SLC14A2: variants seen among roughly 807,000 people sequenced by gnomAD.
SLC14A2 encodes the protein urea transporter 2.
Under a neutral mutation model 104.6 loss-of-function variants are expected in SLC14A2, and 91 were observed. The ratio of observed to expected loss-of-function variants is 0.87; its 90% confidence interval spans 0.73 to 1.04. The LOEUF (loss-of-function observed/expected upper bound fraction) is 1.04. Among genes scored for constraint, SLC14A2 ranks in the 50% least tolerant of loss-of-function variants. The probability of loss-of-function intolerance (pLI) is 0.00; values close to 1 mark genes in which losing one functional copy is unlikely to be tolerated. For missense variants in SLC14A2, 1,189 were observed against 1,156.0 expected (o/e 1.03, Z -0.41); for synonymous variants, 476 against 466.4 (o/e 1.02, Z -0.27).
At chr18:45,611,121 C>T (rs1248333827), upstream of SLC14A2, among the ~76,000 whole-genome samples, 2 of 152,102 alleles carry the variant, frequency 1.3e-5, no homozygotes, top group Non-Finnish European at 2.9e-5. Flanking sequence ...ATTTTCCCTA[C>T]CCTCACCAAA....
chr18:45,306,978 G>A (rs1044816989), intron 1 of SLC14A2, among the ~76,000 whole-genome samples: 5 of 152,064 alleles, frequency 3.3e-5, no homozygotes, highest in Non-Finnish European at 7.3e-5. Context: ...GCCAGCTCAG[G>A]AATGCTCATG....
chr18:45,527,339 T>C (rs1480885109), intron 2 of SLC14A2, among the ~76,000 whole-genome samples: 1 of 152,210 alleles, frequency 6.6e-6, no homozygotes, highest in Non-Finnish European at 1.5e-5. Flanking sequence ...AAAGTTGCCT[T>C]TATGATCCCA....
chr18:45,240,275 T>C (rs1444924312), intron 1 of SLC14A2, among the ~76,000 whole-genome samples: 1 of 148,702 alleles, frequency 6.7e-6, no homozygotes, highest in Non-Finnish European at 1.5e-5. Context: ...TTTTTCTATT[T>C]TAGTAGAGAT....
At chr18:45,671,397 G>A (rs2046133288) in intron 16 of SLC14A2, among the ~76,000 whole-genome samples, 1 of 151,998 alleles carries the variant, frequency 6.6e-6, no homozygotes, top group South Asian at 2.1e-4. Context: ...TTGTCTTTTT[G>A]ACCTTTAAAA....
chr18:45,680,734 C>T lies in SLC14A2; in HGVS notation c.2563-1585C>T, dbSNP rs1374855781. Among the ~76,000 whole-genome samples the T allele has an allele frequency of 3.9e-5, 6 of 152,178 alleles. No homozygotes were observed. In the East Asian group the frequency reaches 7.7e-4, roughly 20 times the overall value. Reference sequence around the variant, plus strand: ...TAAGTAGGCTTTATTATTCCTATTTCGCTATTGAGGTCTCAGAAAGATTAA... The same window carrying T: ...TAAGTAGGCTTTATTATTCCTATTTTGCTATTGAGGTCTCAGAAAGATTAA... On this transcript the variant is annotated intron_variant, in intron 19 of 19. Transcript: ENST00000255226.
At chr18:45,209,058 C>T (rs1006358293), upstream of SLC14A2, among the ~76,000 whole-genome samples, 6 of 149,394 alleles carry the variant, frequency 4.0e-5, no homozygotes, top group Non-Finnish European at 8.9e-5. Flanking sequence ...CAACTGTGGC[C>T]GAGCACGGTG....
chr18:45,576,345 G>A (rs1200701164), intron 2 of SLC14A2, among the ~76,000 whole-genome samples: 7 of 145,562 alleles, frequency 4.8e-5, no homozygotes, highest in Non-Finnish European at 9.0e-5. Context: ...GTACAATGGC[G>A]CGATCTCGGC....
intron 1 of SLC14A2, among the ~76,000 whole-genome samples, chr18:45,299,710 C>T (rs1384317465): frequency 6.6e-6 from 1 of 152,202 alleles, no homozygotes; most frequent in African/African-American, 2.4e-5. Flanking sequence ...GATCCACCTG[C>T]CTTGGCCTCC....
chr18:45,510,093 C>T (rs77807543), intron 2 of SLC14A2, among the ~76,000 whole-genome samples: 4,685 of 152,270 alleles, frequency 0.031, 262 homozygotes, highest in African/African-American at 0.11. Context: ...TGATGGACAA[C>T]TTCAAGTGAG....
At chr18:45,389,265 C>T (rs561727295) in intron 1 of SLC14A2, among the ~76,000 whole-genome samples, 9 of 152,166 alleles carry the variant, frequency 5.9e-5, no homozygotes, top group Non-Finnish European at 1.2e-4. Context: ...GACTTGTTTT[C>T]CTGACTAAAT....
intron 19 of SLC14A2, 28 bp from the exon 20 acceptor site, chr18:45,682,291 A>T: frequency 6.2e-7 from 1 of 1,609,952 alleles, no homozygotes; most frequent in Non-Finnish European, 8.5e-7. Flanking sequence ...TGATGTGACC[A>T]AGGCTTATCT....
chr18:45,437,642 C>A (rs577344439), intron 1 of SLC14A2, among the ~76,000 whole-genome samples: 1 of 152,178 alleles, frequency 6.6e-6, no homozygotes, highest in Non-Finnish European at 1.5e-5. Flanking sequence ...GCCCTCCAGC[C>A]GCACCAGCAG....
chr18:45,414,749 AAAAAAAAAATAT>A (rs1568189958), intron 1 of SLC14A2, among the ~76,000 whole-genome samples: 1 of 61,020 alleles, frequency 1.6e-5, no homozygotes, highest in African/African-American at 8.4e-5. Context: ...GAGCGTAAAA[AAAAAAAAAATAT>A]ATATATATAT....
intron 2 of SLC14A2, among the ~76,000 whole-genome samples, chr18:45,516,872 A>G (rs2043448998): frequency 6.6e-6 from 1 of 152,244 alleles, no homozygotes; most frequent in South Asian, 2.1e-4. Context: ...CTGCTCTGTG[A>G]AGAAATAGAT....
upstream of SLC14A2, among the ~76,000 whole-genome samples, chr18:45,612,998 C>A (rs188456084): frequency 2.7e-4 from 41 of 150,476 alleles, no homozygotes; most frequent in Non-Finnish European, 5.3e-4. Flanking sequence ...GTCAATTAAA[C>A]CTCTTTCCTT....
intron 1 of SLC14A2, among the ~76,000 whole-genome samples, chr18:45,274,697 C>G (rs966279839): frequency 6.6e-6 from 1 of 152,258 alleles, no homozygotes; most frequent in African/African-American, 2.4e-5. Context: ...TCCTCAGATC[C>G]AAATATATAA....
chr18:45,269,337 T>A (rs2144116383), intron 1 of SLC14A2, among the ~76,000 whole-genome samples: 1 of 152,178 alleles, frequency 6.6e-6, no homozygotes. Context: ...TTAGCTGTCA[T>A]TTGTACATTA....
chr18:45,244,800 TAAG>T (rs1347679538), intron 1 of SLC14A2, among the ~76,000 whole-genome samples: 1 of 151,852 alleles, frequency 6.6e-6, no homozygotes, highest in Non-Finnish European at 1.5e-5. Context: ...GCAGAAAAAA[TAAG>T]AAAGACAGTT....
Position 45,397,096 on chromosome 18 carries a change from T to A in SLC14A2, c.-124-86137T>A, listed in dbSNP as rs1245804775. ...GGGCATTTAGGTTGATTCTGTGTTT[T>A]GCTATTGTGAATAGTGCAGCAATGA... On this transcript the variant is annotated intron_variant, in intron 1 of 20. Transcript: ENST00000586448. Among the ~76,000 whole-genome samples the A allele has an allele frequency of 2.6e-5, 4 of 152,206 alleles. No individual in the cohort carries two copies. The East Asian group carries it at 7.7e-4, about 29-fold the overall frequency.
Sources: allele counts gnomAD v4.1 joint callset (sites outside exome capture counted in the v4.1 genomes callset), GRCh38; gene constraint gnomAD v4.1.1; transcripts MANE v1.5; gene names NCBI Gene and HGNC (gene_info 2026-07-23, HGNC 2026-07-21).